ERC2: variants seen among roughly 807,000 people sequenced by gnomAD.
The protein encoded by ERC2 is ELKS/RAB6-interacting/CAST family member 2, also known as ERC protein 2.
In ERC2, 42 loss-of-function variants were observed where a neutral mutation model predicts 114.8. The observed-to-expected ratio is 0.37, with a 90% confidence interval of 0.29 to 0.47. The LOEUF (loss-of-function observed/expected upper bound fraction) is 0.47. Ranked by LOEUF, ERC2 falls within the 20% of genes least tolerant of loss-of-function variation. The pLI, the probability that ERC2 is intolerant of heterozygous loss-of-function variation, is 0.99. For missense variants in ERC2, 939 were observed against 1,150.7 expected (o/e 0.82, Z 2.66); for synonymous variants, 454 against 425.5 (o/e 1.07, Z -0.82).
chr3:56,073,269 C>T (rs530219196), intron 7 of ERC2, among the ~76,000 whole-genome samples: 1 of 152,242 alleles, frequency 6.6e-6, no homozygotes, highest in East Asian at 1.9e-4. Context: ...CAGTAGTGAT[C>T]CTTACACAAG....
At chr3:56,187,249 C>T (rs2083682891) in intron 3 of ERC2, among the ~76,000 whole-genome samples, 1 of 152,116 alleles carries the variant, frequency 6.6e-6, no homozygotes, top group Non-Finnish European at 1.5e-5. Flanking sequence ...AGGCACACTT[C>T]CAGGAAAGGT....
At chr3:55,792,038 T>C (rs1269416204) in intron 14 of ERC2, among the ~76,000 whole-genome samples, 1 of 152,170 alleles carries the variant, frequency 6.6e-6, no homozygotes, top group Admixed American at 6.5e-5. Flanking sequence ...GGACATAAAA[T>C]ACATGTCAAA....
intron 6 of ERC2, among the ~76,000 whole-genome samples, chr3:56,117,452 A>T (rs564609226): frequency 3.0e-4 from 46 of 152,210 alleles, no homozygotes; most frequent in Non-Finnish European, 6.3e-4. Context: ...TTCAAGAGAC[A>T]TTTCCATCCT....
At chr3:56,075,961 C>T (rs1217252245) in intron 7 of ERC2, among the ~76,000 whole-genome samples, 3 of 152,120 alleles carry the variant, frequency 2.0e-5, no homozygotes, top group Non-Finnish European at 4.4e-5. Context: ...AGTAATCCCA[C>T]AGTGTCCTTA....
chr3:56,362,545 T>C (rs2058997978), intron 2 of ERC2, among the ~76,000 whole-genome samples: 1 of 152,236 alleles, frequency 6.6e-6, no homozygotes, highest in African/African-American at 2.4e-5. Flanking sequence ...AGCCACACTC[T>C]AGTTCTGGAA....
chr3:56,140,892 C>G (rs1396334531), intron 5 of ERC2, among the ~76,000 whole-genome samples: 1 of 152,100 alleles, frequency 6.6e-6, no homozygotes, highest in Non-Finnish European at 1.5e-5. Flanking sequence ...GCTGTGGTGG[C>G]AGGCACCTGT....
intron 3 of ERC2, among the ~76,000 whole-genome samples, chr3:56,276,440 T>C (rs1027955161): frequency 7.7e-6 from 1 of 129,830 alleles, no homozygotes; most frequent in Non-Finnish European, 1.6e-5. Flanking sequence ...CCAGCATCCA[T>C]TCAACTCCCA....
chr3:55,638,428 G>A (rs898610051), intron 17 of ERC2, among the ~76,000 whole-genome samples: 9 of 152,156 alleles, frequency 5.9e-5, no homozygotes, highest in Non-Finnish European at 8.8e-5. Flanking sequence ...CGAGGGGCTC[G>A]GCAAAGCAGT....
At chr3:56,162,153 T>C (rs181937031) in intron 4 of ERC2, among the ~76,000 whole-genome samples, 1 of 152,356 alleles carries the variant, frequency 6.6e-6, no homozygotes, top group East Asian at 1.9e-4. Flanking sequence ...ATATGGTTTT[T>C]GTTTTTAATT....
chr3:55,808,218 G>A (rs1041943873), intron 14 of ERC2, among the ~76,000 whole-genome samples: 1 of 152,122 alleles, frequency 6.6e-6, no homozygotes, highest in East Asian at 1.9e-4. Flanking sequence ...GGTCATGCTG[G>A]CTCAATGGGG....
intron 17 of ERC2, among the ~76,000 whole-genome samples, chr3:55,617,017 A>C (rs1404714587): frequency 6.6e-6 from 1 of 152,170 alleles, no homozygotes; most frequent in African/African-American, 2.4e-5. Context: ...GGCTTTGCCG[A>C]TGGAAGGCAG....
intron 1 of ERC2, among the ~76,000 whole-genome samples, chr3:56,452,938 G>T (rs78365254): frequency 0.019 from 2,936 of 152,246 alleles, 40 homozygotes; most frequent in Non-Finnish European, 0.03. Context: ...TCATTGTGTT[G>T]TTTTCTTACA....
intron 7 of ERC2, among the ~76,000 whole-genome samples, chr3:56,021,066 T>A (rs923380967): frequency 6.6e-6 from 1 of 152,008 alleles, no homozygotes; most frequent in African/African-American, 2.4e-5. Context: ...CTAACAGAGC[T>A]GGAATTAAAG....
chr3:56,429,964 G>A (rs1348082462), intron 2 of ERC2, among the ~76,000 whole-genome samples: 1 of 152,160 alleles, frequency 6.6e-6, no homozygotes, highest in African/African-American at 2.4e-5. Flanking sequence ...CTGATGAGCA[G>A]GAGCCCTCGA....
chr3:55,776,473 G>A (rs1559637192), intron 14 of ERC2, among the ~76,000 whole-genome samples: 1 of 152,132 alleles, frequency 6.6e-6, no homozygotes, highest in Non-Finnish European at 1.5e-5. Context: ...GAGACGATGG[G>A]ACTAAGAAGG....
chr3:55,799,847 G>A (rs1046441239), intron 14 of ERC2, among the ~76,000 whole-genome samples: 2 of 151,992 alleles, frequency 1.3e-5, no homozygotes, highest in African/African-American at 2.4e-5. Context: ...TGGGCTCTTC[G>A]TTCCATTGAC....
intron 14 of ERC2, among the ~76,000 whole-genome samples, chr3:55,880,110 C>T (rs539682199): frequency 1.3e-5 from 2 of 152,284 alleles, no homozygotes; most frequent in South Asian, 4.1e-4. Context: ...GTTTCTTTCT[C>T]GTGCCTCCTT....
At chr3:56,181,192 G>A (rs1560319903) in intron 3 of ERC2, among the ~76,000 whole-genome samples, 1 of 152,160 alleles carries the variant, frequency 6.6e-6, no homozygotes, top group Non-Finnish European at 1.5e-5. Flanking sequence ...GAGGCGTGGA[G>A]AATCAAATGT....
chr3:55,689,863 C>T (rs1011336752), intron 16 of ERC2, among the ~76,000 whole-genome samples: 1 of 151,816 alleles, frequency 6.6e-6, no homozygotes, highest in Admixed American at 6.6e-5. Context: ...GGCCCTGATG[C>T]TTCATAGGTT....
Sources: gnomAD v4.1 joint callset for allele counts (sites outside exome capture counted in the v4.1 genomes callset) on GRCh38, gnomAD v4.1.1 for gene constraint, MANE v1.5 for transcripts, NCBI Gene and HGNC (gene_info 2026-07-23, HGNC 2026-07-21) for gene names.